The following PPARGC1A variants were observed in gnomAD, a reference collection of about 807,000 sequenced individuals.
PPARGC1A encodes the protein PPARG coactivator 1 alpha.
In PPARGC1A, 25 loss-of-function variants were observed where a neutral mutation model predicts 88.7. The observed-to-expected ratio is 0.28, with a 90% CI of 0.21 to 0.39. PPARGC1A has a LOEUF of 0.39. Ranked by LOEUF, PPARGC1A falls within the 10% of genes least tolerant of loss-of-function variation. The pLI, the probability that PPARGC1A is intolerant of heterozygous loss-of-function variation, is 1.00. For synonymous variants in PPARGC1A, 363 were observed against 355.6 expected (o/e 1.02, Z -0.24); for missense variants, 880 against 968.7 (o/e 0.91, Z 1.22).
At chr4:24,244,250 C>T in the PPARGC1A span, among the ~76,000 whole-genome samples, 2 of 152,108 alleles carry the variant, frequency 1.3e-5, no homozygotes, top group Admixed American at 1.3e-4. Flanking sequence ...AATTGAGCAA[C>T]ACATGATTAC....
the PPARGC1A span, chr4:24,091,482 C>G: frequency 3.0e-6 from 3 of 985,440 alleles, no homozygotes; most frequent in Non-Finnish European, 3.6e-6. Context: ...CAGCCTGCTT[C>G]TCGCTGAAGT....
At chr4:23,943,382 T>A in the PPARGC1A span, among the ~76,000 whole-genome samples, 1 of 1,108 alleles carries the variant, frequency 9.0e-4, no homozygotes, top group Non-Finnish European at 6.1e-3. Flanking sequence ...ATTAAAAGGT[T>A]TTTTTTTTTT....
the PPARGC1A span, among the ~76,000 whole-genome samples, chr4:24,006,465 A>C: frequency 6.6e-6 from 1 of 152,240 alleles, no homozygotes; most frequent in Non-Finnish European, 1.5e-5. Flanking sequence ...TGACTTTGCA[A>C]TTTATGAGTC....
the PPARGC1A span, among the ~76,000 whole-genome samples, chr4:24,387,809 A>AG: frequency 4.4e-5 from 5 of 114,864 alleles, no homozygotes; most frequent in East Asian, 1.1e-3. Flanking sequence ...AGAAAGAAAG[A>AG]AAGAAAGAAA....
chr4:24,082,620 AT>A, the PPARGC1A span, among the ~76,000 whole-genome samples: 1 of 151,818 alleles, frequency 6.6e-6, no homozygotes, highest in Non-Finnish European at 1.5e-5. Flanking sequence ...TTCTTTTGAC[AT>A]TTTTTTTCAA....
the PPARGC1A span, among the ~76,000 whole-genome samples, chr4:23,972,332 TAGAA>T: frequency 6.6e-6 from 1 of 152,088 alleles, no homozygotes; most frequent in South Asian, 2.1e-4. Flanking sequence ...TTTCTAAAAA[TAGAA>T]AGAACAGATG....
the PPARGC1A span, among the ~76,000 whole-genome samples, chr4:24,156,463 G>A: frequency 3.3e-5 from 5 of 151,850 alleles, no homozygotes; most frequent in African/African-American, 1.2e-4. Flanking sequence ...CCATTTTTTG[G>A]TAACAGTTAG....
intron 2 of PPARGC1A, among the ~76,000 whole-genome samples, chr4:23,873,036 A>G (rs1327652684): frequency 6.7e-6 from 1 of 150,164 alleles, no homozygotes; most frequent in African/African-American, 2.4e-5. Flanking sequence ...TAAAAATACA[A>G]AAAAAAAATT....
the PPARGC1A span, among the ~76,000 whole-genome samples, chr4:23,969,116 T>TA: frequency 1.3e-5 from 2 of 152,126 alleles, no homozygotes; most frequent in African/African-American, 4.8e-5. Flanking sequence ...GCACAGTAGC[T>TA]AGGTGACTTG....
At chr4:24,330,876 C>CGGGTGCTGG in the PPARGC1A span, among the ~76,000 whole-genome samples, 2 of 152,114 alleles carry the variant, frequency 1.3e-5, no homozygotes, top group African/African-American at 4.8e-5. Context: ...TCCTCCAAGA[C>CGGGTGCTGG]ATAGTCTCTA....
chr4:23,793,700 T>C lies in PPARGC1A; in HGVS notation c.*2122A>G, dbSNP rs1459877727. The stretch of plus-strand genomic sequence containing the variant: ...CCACACTCAGATGAAATCCTGATGA[T>C]CAAAATGGAGGTTTTTCTGAAGTTT... On this transcript the variant is annotated 3_prime_UTR_variant, in exon 13 of 13. Transcript: ENST00000264867. The C allele has an allele frequency of 1.3e-5, 2 of 152,128 alleles. No individual in the cohort carries two copies. Among genetic ancestry groups the C allele is most frequent in the Non-Finnish European group, 2.9e-5 (2 of 68,014 alleles). 9.4% of individuals were successfully genotyped at this position (152,128 alleles called of 1,614,324 possible).
At chr4:23,844,487 TAATCATAATATATAATATA>T in intron 2 of PPARGC1A, among the ~76,000 whole-genome samples, 1 of 35,514 alleles carries the variant, frequency 2.8e-5, no homozygotes, top group East Asian at 6.4e-4. Context: ...TATATTATAA[TAATCATAATATATAATATA>T]ATAATATAAT....
the PPARGC1A span, among the ~76,000 whole-genome samples, chr4:24,471,346 G>GCA: frequency 0.093 from 14,048 of 150,824 alleles, 851 homozygotes; most frequent in South Asian, 0.16. The surrounding 1 kb of genome is among the most constrained non-coding windows in gnomAD (Gnocchi z 5.4). Flanking sequence ...ACACCCGCGT[G>GCA]CACACACACA....
At chr4:24,180,498 T>C in the PPARGC1A span, among the ~76,000 whole-genome samples, 1 of 152,200 alleles carries the variant, frequency 6.6e-6, no homozygotes, top group Non-Finnish European at 1.5e-5. Context: ...TTCAACTCTT[T>C]ACCTTTGGTT....
chr4:24,094,437 TTTCTC>T, the PPARGC1A span, among the ~76,000 whole-genome samples: 1 of 152,220 alleles, frequency 6.6e-6, no homozygotes, highest in Non-Finnish European at 1.5e-5. Flanking sequence ...ACTTCACTAT[TTTCTC>T]TTCCTTTTCC....
At chr4:23,913,787 A>T in the PPARGC1A span, among the ~76,000 whole-genome samples, 1 of 152,104 alleles carries the variant, frequency 6.6e-6, no homozygotes, top group African/African-American at 2.4e-5. Flanking sequence ...GTATTAACCC[A>T]AACTATTTGA....
the PPARGC1A span, among the ~76,000 whole-genome samples, chr4:24,383,360 T>C: frequency 6.6e-6 from 1 of 152,154 alleles, no homozygotes; most frequent in African/African-American, 2.4e-5. Context: ...GGAAAAAAGC[T>C]GGACGGAGAA....
the PPARGC1A span, among the ~76,000 whole-genome samples, chr4:24,109,618 G>A: frequency 6.6e-6 from 1 of 152,134 alleles, no homozygotes; most frequent in South Asian, 2.1e-4. Flanking sequence ...TCAATTACAA[G>A]TCTATTTAGC....
chr4:23,913,261 TATATATAGAGAGAGAGAGAGAGAG>T, the PPARGC1A span, among the ~76,000 whole-genome samples: 73 of 54,584 alleles, frequency 1.3e-3, no homozygotes, highest in African/African-American at 3.8e-3. Context: ...TATATATATA[TATATATAGAGAGAGAGAGAGAGAG>T]AGAGAGAGAG....
Sources: gnomAD v4.1 joint callset for allele counts (sites outside exome capture counted in the v4.1 genomes callset) on GRCh38, gnomAD v4.1.1 for gene constraint, Gnocchi (gnomAD v3.1) non-coding constraint, MANE v1.5 for transcripts, NCBI Gene and HGNC (gene_info 2026-07-23, HGNC 2026-07-21) for gene names.